COA1: variants seen among roughly 807,000 people sequenced by gnomAD.
COA1 encodes the protein cytochrome c oxidase assembly factor 1, also known as cytochrome c oxidase assembly factor 1 homolog.
COA1 carries 13 observed loss-of-function variants against 16.0 expected under a neutral mutation model. That is an observed-to-expected ratio of 0.81 (90% CI 0.53 to 1.29). The LOEUF (loss-of-function observed/expected upper bound fraction) is 1.29, where lower values mean the gene tolerates loss of function less well. Among genes scored for constraint, COA1 ranks in the 50% most tolerant of loss-of-function variants. The probability of loss-of-function intolerance (pLI) is 0.00; values close to 1 mark genes in which losing one functional copy is unlikely to be tolerated. For missense variants in COA1, 179 were observed against 177.0 expected, an observed-to-expected ratio of 1.01 and a Z score of -0.06; for synonymous variants, 65 against 65.7, an observed-to-expected ratio of 0.99 and a Z score of 0.05.
chr7:43,611,074 G>A (rs983991958), intron 6 of COA1, among the ~76,000 whole-genome samples: 12 of 152,162 alleles, frequency 7.9e-5, no homozygotes, highest in Admixed American at 4.6e-4. Flanking sequence ...CCGAGATTGC[G>A]CCACTGCACT....
chr7:43,613,147 T>TG (rs2152986208), intron 6 of COA1, among the ~76,000 whole-genome samples: 1 of 152,346 alleles, frequency 6.6e-6, no homozygotes, highest in South Asian at 2.1e-4. Flanking sequence ...AATGGTGTTG[T>TG]ACTGGTTCAG....
At chr7:43,693,153 T>C (rs1454085754) in intron 1 of COA1, among the ~76,000 whole-genome samples, 2 of 152,106 alleles carry the variant, frequency 1.3e-5, no homozygotes, top group Non-Finnish European at 2.9e-5. Context: ...TACATCCCTC[T>C]TCCCAGCAGG....
intron 1 of COA1, among the ~76,000 whole-genome samples, chr7:43,651,689 TAAAAAAAAA>T (rs539990413): frequency 3.1e-4 from 33 of 107,180 alleles, no homozygotes; most frequent in East Asian, 5.2e-4. Flanking sequence ...AGGAAGAGCT[TAAAAAAAAA>T]AAAAAAAAAA....
At chr7:43,638,085 A>T (rs2086205273), downstream of COA1, among the ~76,000 whole-genome samples, 1 of 152,238 alleles carries the variant, frequency 6.6e-6, no homozygotes. Context: ...ACACACTGAC[A>T]AAAGTGCTCT....
intron 6 of COA1, among the ~76,000 whole-genome samples, chr7:43,610,085 G>C (rs138304631): frequency 0.012 from 1,785 of 152,314 alleles, 45 homozygotes; most frequent in African/African-American, 0.041. Flanking sequence ...GGTGGCTCAC[G>C]CCTGTAATCC....
At chr7:43,660,314 A>G (rs528522554) in intron 1 of COA1, among the ~76,000 whole-genome samples, 2 of 152,118 alleles carry the variant, frequency 1.3e-5, no homozygotes, top group East Asian at 3.9e-4. Flanking sequence ...TCCCCATGTG[A>G]GCTCCTGCCC....
At chr7:43,643,485 G>A (rs924981565) in intron 4 of COA1, among the ~76,000 whole-genome samples, 6 of 152,310 alleles carry the variant, frequency 3.9e-5, no homozygotes, top group African/African-American at 1.4e-4. Context: ...CTGGCACAGA[G>A]TGAGCACTCC....
intron 6 of COA1, chr7:43,624,923 T>C: frequency 4.0e-6 from 5 of 1,259,166 alleles, no homozygotes; most frequent in Non-Finnish European, 5.5e-6. Flanking sequence ...AAATGGTACA[T>C]GTACTGGAAG....
downstream of COA1, among the ~76,000 whole-genome samples, chr7:43,637,588 G>T (rs1043379740): frequency 2.6e-5 from 4 of 152,180 alleles, no homozygotes; most frequent in Non-Finnish European, 1.5e-5. Flanking sequence ...ACAGTGGACT[G>T]CAAGTGTACA....
intron 1 of COA1, among the ~76,000 whole-genome samples, chr7:43,712,834 T>C (rs1490728429): frequency 6.6e-6 from 1 of 152,200 alleles, no homozygotes; most frequent in Non-Finnish European, 1.5e-5. Context: ...ATTTCCACTA[T>C]CATGTTTTAA....
intron 1 of COA1, among the ~76,000 whole-genome samples, chr7:43,692,632 T>A (rs528657459): frequency 6.6e-6 from 1 of 152,334 alleles, no homozygotes; most frequent in Admixed American, 6.5e-5. Context: ...TCTCATTTCA[T>A]GATGTACAGA....
At chr7:43,676,958 A>G (rs1339014494) in intron 1 of COA1, among the ~76,000 whole-genome samples, 1 of 152,118 alleles carries the variant, frequency 6.6e-6, no homozygotes, top group African/African-American at 2.4e-5. Flanking sequence ...ATGCATTAGT[A>G]TTTTTTCTAG....
At chr7:43,697,246 T>C (rs2131254034) in intron 1 of COA1, among the ~76,000 whole-genome samples, 1 of 152,360 alleles carries the variant, frequency 6.6e-6, no homozygotes, top group South Asian at 2.1e-4. Context: ...AATTCTTCTG[T>C]ATGCTTAACA....
intron 1 of COA1, among the ~76,000 whole-genome samples, chr7:43,661,496 G>C (rs796556872): frequency 6.6e-6 from 1 of 152,154 alleles, no homozygotes; most frequent in East Asian, 1.9e-4. Context: ...TTAGCCAGGC[G>C]TGGTGGCGGG....
intron 6 of COA1, among the ~76,000 whole-genome samples, chr7:43,619,946 A>C (rs1423172241): frequency 6.6e-6 from 1 of 152,236 alleles, no homozygotes; most frequent in Non-Finnish European, 1.5e-5. Context: ...AGCTAAGAGA[A>C]TTTGAAGGGA....
At chr7:43,614,486 G>A (rs566091013) in intron 6 of COA1, among the ~76,000 whole-genome samples, 16 of 152,220 alleles carry the variant, frequency 1.1e-4, no homozygotes, top group East Asian at 1.9e-4. Context: ...CATGTATTTC[G>A]GCTTATTGGA....
At chr7:43,689,555 AC>A (rs1192530746) in intron 1 of COA1, among the ~76,000 whole-genome samples, 1 of 152,198 alleles carries the variant, frequency 6.6e-6, no homozygotes, top group Non-Finnish European at 1.5e-5. Context: ...CAAAATAAAT[AC>A]TTTCCAGACA....
At chr7:43,635,678 A>AAAAT (rs141746016), downstream of COA1, among the ~76,000 whole-genome samples, 22,267 of 152,156 alleles carry the variant, frequency 0.15, 2,147 homozygotes, top group Non-Finnish European at 0.21. Context: ...TATTTCGTGA[A>AAAAT]AAATAATACA....
chr7:43,713,496 C>T (rs566009806), intron 1 of COA1, among the ~76,000 whole-genome samples: 2 of 152,244 alleles, frequency 1.3e-5, no homozygotes, highest in East Asian at 3.9e-4. Context: ...CCTCTCCCTG[C>T]CCAAGTCTCT....
Sources: gnomAD v4.1 joint callset for allele counts (sites outside exome capture counted in the v4.1 genomes callset) on GRCh38, gnomAD v4.1.1 for gene constraint, MANE v1.5 for transcripts, NCBI Gene and HGNC (gene_info 2026-07-23, HGNC 2026-07-21) for gene names.